ZNF704: variants seen among roughly 807,000 people sequenced by gnomAD.
ZNF704 encodes the protein glucocorticoid induced gene 1.
ZNF704 carries 10 observed loss-of-function variants against 44.7 expected under a neutral mutation model. The ratio of observed to expected loss-of-function variants is 0.22; its 90% confidence interval spans 0.14 to 0.38. ZNF704 has a LOEUF of 0.38. ZNF704 is among the 10% of genes least tolerant of loss of function. ZNF704 has a pLI of 1.00. For synonymous variants in ZNF704, 211 were observed against 207.6 expected, an observed-to-expected ratio of 1.02 and a Z score of -0.14; for missense variants, 390 against 545.5, an observed-to-expected ratio of 0.71 and a Z score of 2.84.
intron 2 of ZNF704, among the ~76,000 whole-genome samples, chr8:80,733,266 GTGTT>G (rs924708906): frequency 3.3e-5 from 5 of 152,258 alleles, no homozygotes; most frequent in African/African-American, 1.2e-4. Context: ...GTGGAGCCCT[GTGTT>G]TCCATTATCT....
chr8:80,769,523 C>G (rs1807283733), intron 2 of ZNF704, among the ~76,000 whole-genome samples: 1 of 152,146 alleles, frequency 6.6e-6, no homozygotes, highest in South Asian at 2.1e-4. Context: ...TCATCTCTCT[C>G]AAGTTCAAAG....
intron 7 of ZNF704, among the ~76,000 whole-genome samples, chr8:80,654,776 A>G (rs1038648103): frequency 6.6e-6 from 1 of 152,248 alleles, no homozygotes; most frequent in Admixed American, 6.5e-5. Context: ...TGTGGAAGTC[A>G]GTGTAGCGAT....
At chr8:80,859,123 G>A (rs551780296) in intron 1 of ZNF704, among the ~76,000 whole-genome samples, 18 of 152,238 alleles carry the variant, frequency 1.2e-4, no homozygotes, top group African/African-American at 3.9e-4. Flanking sequence ...ATATTTTGAA[G>A]CTTTCCTATG....
At chr8:80,767,443 A>G (rs1223776408) in intron 2 of ZNF704, among the ~76,000 whole-genome samples, 8 of 152,132 alleles carry the variant, frequency 5.3e-5, no homozygotes, top group African/African-American at 1.2e-4. Flanking sequence ...AGACTGCATA[A>G]TAGTTGCTAA....
chr8:80,861,738 T>C (rs1161793724), intron 1 of ZNF704, among the ~76,000 whole-genome samples: 3 of 151,808 alleles, frequency 2.0e-5, no homozygotes, highest in African/African-American at 7.3e-5. Context: ...TATCATCTAG[T>C]GGCCCATGTC....
intron 6 of ZNF704, among the ~76,000 whole-genome samples, chr8:80,663,939 C>T (rs968880722): frequency 1.3e-5 from 2 of 151,640 alleles, no homozygotes; most frequent in Non-Finnish European, 1.5e-5. Flanking sequence ...CCATGTTGCC[C>T]ACGCTGGTCT....
rs1000756217 is a variant in ZNF704 at position 80,629,906 on chromosome 8, T to C, written c.*11460A>G. 6 of 152,234 alleles carry C rather than the reference T, an allele frequency of 3.9e-5. No homozygotes were observed. The highest frequency in any genetic ancestry group is 2.6e-4 in the Admixed American group (4 of 15,288). The allele number at this position is 152,234 out of a possible 1,614,324, so 9.4% of individuals were successfully genotyped here. A position where few individuals can be genotyped will look rare whatever the true frequency, so the allele number is the denominator to read the frequency against. On this transcript the variant is annotated 3_prime_UTR_variant, in exon 9 of 9. Transcript: ENST00000327835. ...CCACCTTTAAAGAACTGGGCACATT[T>C]TCTAACAGCCAACATTTCCCATTTA...
chr8:80,787,036 T>C (rs1248973263), intron 2 of ZNF704, among the ~76,000 whole-genome samples: 1 of 152,210 alleles, frequency 6.6e-6, no homozygotes, highest in Non-Finnish European at 1.5e-5. Context: ...ATAAGTGTGA[T>C]TGAAGCAGAG....
At chr8:80,758,647 T>G (rs1259761398) in intron 2 of ZNF704, among the ~76,000 whole-genome samples, 1 of 152,226 alleles carries the variant, frequency 6.6e-6, no homozygotes, top group Non-Finnish European at 1.5e-5. Flanking sequence ...CTACATATAC[T>G]GTCTTACGTG....
intron 2 of ZNF704, among the ~76,000 whole-genome samples, chr8:80,719,889 T>C (rs779311511): frequency 1.5e-4 from 23 of 152,348 alleles, no homozygotes; most frequent in Middle Eastern, 3.4e-3. Flanking sequence ...TGGGAAATCA[T>C]TCAGCTTACT....
intron 2 of ZNF704, among the ~76,000 whole-genome samples, chr8:80,722,695 G>A (rs1213984431): frequency 6.6e-6 from 1 of 152,110 alleles, no homozygotes; most frequent in Non-Finnish European, 1.5e-5. Flanking sequence ...TAGAAATAAT[G>A]CATTTTTAGA....
At chr8:80,652,081 G>A (rs1430011553) in intron 7 of ZNF704, among the ~76,000 whole-genome samples, 2 of 152,296 alleles carry the variant, frequency 1.3e-5, no homozygotes, top group South Asian at 2.1e-4. Context: ...GGTACATCAC[G>A]AAATGAAGGC....
intron 2 of ZNF704, among the ~76,000 whole-genome samples, chr8:80,811,522 T>G (rs1484749307): frequency 6.6e-6 from 1 of 152,224 alleles, no homozygotes; most frequent in Non-Finnish European, 1.5e-5. Context: ...TCATTTGTGC[T>G]GTGCACCAAA....
rs532068622 is a variant in ZNF704, at chr8:80,810,592, T to C, written c.221+10782A>G. Among the ~76,000 whole-genome samples, 25 of 152,284 alleles carry C rather than the reference T, an allele frequency of 1.6e-4. No homozygotes were observed. In the South Asian group the frequency reaches 4.8e-3, roughly 29 times the overall value. On this transcript the variant is annotated intron_variant, in intron 2 of 8. Coordinates refer to ENST00000327835, the MANE Select transcript of ZNF704 (RefSeq NM_001033723.3). ...CTCTAATAGTAGCTACCATGAGGAA[T>C]GTCAGAGTATCTGGTAACAACTAAA...
chr8:80,883,944 A>C, the ZNF704 span, among the ~76,000 whole-genome samples: 4 of 152,196 alleles, frequency 2.6e-5, no homozygotes, highest in African/African-American at 9.7e-5. Context: ...AAGCTCTTCC[A>C]GGGGAAGAAG....
At chr8:80,769,127 A>G (rs1807276890) in intron 2 of ZNF704, among the ~76,000 whole-genome samples, 1 of 152,170 alleles carries the variant, frequency 6.6e-6, no homozygotes, top group African/African-American at 2.4e-5. Flanking sequence ...AGAGATTCTA[A>G]AGAACTCTAT....
At chr8:80,643,957 C>A (rs936675943) in intron 7 of ZNF704, among the ~76,000 whole-genome samples, 1 of 152,108 alleles carries the variant, frequency 6.6e-6, no homozygotes, top group Admixed American at 6.5e-5. Context: ...TACATGGATT[C>A]TTGTAAAAAA....
intron 4 of ZNF704, among the ~76,000 whole-genome samples, chr8:80,683,129 T>G (rs182150748): frequency 2.0e-5 from 3 of 152,214 alleles, no homozygotes; most frequent in African/African-American, 7.2e-5. Flanking sequence ...CTTGTGGTCA[T>G]GACGGAAATT....
At chr8:80,682,483 A>C (rs1296911486) in intron 4 of ZNF704, among the ~76,000 whole-genome samples, 2 of 152,220 alleles carry the variant, frequency 1.3e-5, no homozygotes, top group Non-Finnish European at 2.9e-5. Context: ...CAGAGTCCTG[A>C]GTCAGATTTC....
Sources: gnomAD v4.1 joint callset for allele counts (sites outside exome capture counted in the v4.1 genomes callset) on GRCh38, gnomAD v4.1.1 for gene constraint, MANE v1.5 for transcripts, NCBI Gene and HGNC (gene_info 2026-07-23, HGNC 2026-07-21) for gene names.